Variants in TRIM2 observed in about 807,000 individuals in gnomAD.
TRIM2 encodes the protein tripartite motif-containing protein 2.
A neutral mutation model predicts 75.2 loss-of-function variants in TRIM2; 20 were observed. The ratio of observed to expected loss-of-function variants is 0.27; its 90% confidence interval spans 0.19 to 0.39. The LOEUF is 0.39. Among genes scored for constraint, TRIM2 ranks in the 10% least tolerant of loss-of-function variants. The pLI is 1.00. For synonymous variants in TRIM2, 373 were observed against 388.3 expected (o/e 0.96, Z 0.46); for missense variants, 660 against 990.8 (o/e 0.67, Z 4.48).
rs117743781 is a variant in TRIM2 at position 153,291,186 on chromosome 4, A to G, written c.454-1796A>G. Among the ~76,000 whole-genome samples the G allele has an allele frequency of 4.6e-3, 708 of 152,352 alleles. 17 individuals carry two copies. Among genetic ancestry groups the G allele is most frequent in the East Asian group, 0.044 (229 of 5,190 alleles). ...GACTTTTATCTGAATTTGGTTCACC[A>G]GAAAAGGTTTTTTCCAAAACACATG... On this transcript the variant is annotated intron_variant, in intron 3 of 11. Transcript: ENST00000338700.
chr4:153,222,207 G>GA (rs1179778328), intron 1 of TRIM2: 1 of 151,826 alleles, frequency 6.6e-6, no homozygotes, highest in Non-Finnish European at 1.5e-5. Flanking sequence ...TCACTTGAAG[G>GA]AAACGCAGAG....
At chr4:153,315,616 C>T in intron 7 of TRIM2, 28 bp downstream of exon 7, 1 of 1,532,912 alleles carries the variant, frequency 6.5e-7, no homozygotes. Context: ...ATACCTTTAA[C>T]TACTTATATT....
intron 6 of TRIM2, chr4:153,307,788 G>A (rs1456430449): frequency 1.7e-5 from 12 of 711,006 alleles, no homozygotes; most frequent in Non-Finnish European, 2.9e-5. Flanking sequence ...CACAGGTACA[G>A]CACCCTTAGT....
intron 3 of TRIM2, among the ~76,000 whole-genome samples, chr4:153,292,741 G>A (rs1471755890): frequency 1.3e-5 from 2 of 152,224 alleles, no homozygotes; most frequent in Admixed American, 1.3e-4. Flanking sequence ...CTGCCTTGGG[G>A]CAGTGGATAC....
intron 1 of TRIM2, among the ~76,000 whole-genome samples, chr4:153,159,296 C>CTTTTTTTTTTTTTTTTTTTTTTTTTT (rs11318531): frequency 1.1e-5 from 1 of 89,160 alleles, no homozygotes; most frequent in Non-Finnish European, 2.0e-5. Context: ...TTTACAAAAT[C>CTTTTTTTTTTTTTTTTTTTTTTTTTT]TTTTTTTTTT....
chr4:153,246,642 G>T (rs1317888218), intron 1 of TRIM2, among the ~76,000 whole-genome samples: 1 of 152,204 alleles, frequency 6.6e-6, no homozygotes, highest in Non-Finnish European at 1.5e-5. Context: ...GAATGAAGTG[G>T]ATAGGGAGTA....
chr4:153,283,682 G>A (rs1270911650), intron 3 of TRIM2, among the ~76,000 whole-genome samples: 2 of 145,290 alleles, frequency 1.4e-5, no homozygotes, highest in Non-Finnish European at 3.0e-5. Context: ...CTTTTGCCAG[G>A]CTGGAGTGCA....
chr4:153,245,463 T>C (rs1748890661), intron 1 of TRIM2, among the ~76,000 whole-genome samples: 1 of 152,244 alleles, frequency 6.6e-6, no homozygotes, highest in African/African-American at 2.4e-5. Flanking sequence ...GCGGGCAAAC[T>C]ATGGCCTGTG....
chr4:153,234,496 T>G (rs1744501793), intron 1 of TRIM2, among the ~76,000 whole-genome samples: 1 of 152,234 alleles, frequency 6.6e-6, no homozygotes, highest in Non-Finnish European at 1.5e-5. Flanking sequence ...TATCTATTAC[T>G]GGACTGCAAC....
intron 1 of TRIM2, among the ~76,000 whole-genome samples, chr4:153,224,852 G>A (rs1451046973): frequency 6.6e-6 from 1 of 152,150 alleles, no homozygotes; most frequent in Non-Finnish European, 1.5e-5. Context: ...ATATAAATGG[G>A]TTAGATAGTC....
chr4:153,160,709 T>C (rs7691728), intron 1 of TRIM2, among the ~76,000 whole-genome samples: 123,378 of 152,162 alleles, frequency 0.81, 51,180 homozygotes, highest in Non-Finnish European at 0.89. Context: ...ATCCTTATAC[T>C]TCAGCCTCCC....
At chr4:153,211,243 G>A (rs942271402) in intron 1 of TRIM2, among the ~76,000 whole-genome samples, 1 of 152,132 alleles carries the variant, frequency 6.6e-6, no homozygotes, top group Non-Finnish European at 1.5e-5. Context: ...GTCAGCTCTG[G>A]ACAGGGCTGG....
intron 1 of TRIM2, among the ~76,000 whole-genome samples, chr4:153,206,740 G>A (rs908326256): frequency 1.3e-5 from 2 of 152,146 alleles, no homozygotes; most frequent in African/African-American, 2.4e-5. Flanking sequence ...GGGGCTGAAA[G>A]TTCCAACTCT....
chr4:153,330,150 T>C (rs111640242), intron 11 of TRIM2, among the ~76,000 whole-genome samples: 1 of 152,250 alleles, frequency 6.6e-6, no homozygotes, highest in African/African-American at 2.4e-5. Context: ...CCTATAACTA[T>C]TAAGAAAATT....
At chr4:153,293,236 A>G (rs1436162674) in intron 4 of TRIM2, 103 bp downstream of exon 4, 21 of 1,214,546 alleles carry the variant, frequency 1.7e-5, no homozygotes, top group Admixed American at 2.5e-5. Flanking sequence ...TTCCCTTGAG[A>G]TATCAGGCTT....
chr4:153,200,161 G>A (rs535440663), upstream of TRIM2, among the ~76,000 whole-genome samples: 311 of 152,112 alleles, frequency 2.0e-3, 2 homozygotes, highest in Non-Finnish European at 3.4e-3. Context: ...GGTTGGTCTC[G>A]AACTCCTTAC....
chr4:153,169,254 C>T (rs535813265), intron 1 of TRIM2, among the ~76,000 whole-genome samples: 21 of 152,236 alleles, frequency 1.4e-4, no homozygotes, highest in South Asian at 4.1e-4. Flanking sequence ...CTGTTACTTA[C>T]GACACACTTG....
At chr4:153,163,190 A>AT (rs965675757) in intron 1 of TRIM2, among the ~76,000 whole-genome samples, 8 of 151,494 alleles carry the variant, frequency 5.3e-5, no homozygotes, top group African/African-American at 9.7e-5. Flanking sequence ...GATTTACATC[A>AT]TTTTTTTTTC....
At chr4:153,201,703 G>GA (rs995505433), upstream of TRIM2, among the ~76,000 whole-genome samples, 53 of 151,784 alleles carry the variant, frequency 3.5e-4, no homozygotes, top group African/African-American at 1.1e-3. Flanking sequence ...TCTAAAGAAA[G>GA]AAAAAAAGAA....
Sources: allele counts gnomAD v4.1 joint callset (sites outside exome capture counted in the v4.1 genomes callset), GRCh38; gene constraint gnomAD v4.1.1; transcripts MANE v1.5; gene names NCBI Gene and HGNC (gene_info 2026-07-23, HGNC 2026-07-21).